The following CCNT1 variants were observed in gnomAD, a reference collection of about 807,000 sequenced individuals.
CCNT1 encodes cyclin-T1.
Under a neutral mutation model 67.3 loss-of-function variants are expected in CCNT1, and 18 were observed. The observed-to-expected ratio is 0.27, with a 90% CI of 0.18 to 0.40. The LOEUF (loss-of-function observed/expected upper bound fraction) is 0.40, where lower values mean the gene tolerates loss of function less well. Among genes scored for constraint, CCNT1 ranks in the 10% least tolerant of loss-of-function variants. The pLI is 1.00. For synonymous variants in CCNT1, 333 were observed against 310.3 expected, an observed-to-expected ratio of 1.07 and a Z score of -0.77; for missense variants, 744 against 884.9, an observed-to-expected ratio of 0.84 and a Z score of 2.02.
intron 2 of CCNT1, among the ~76,000 whole-genome samples, chr12:48,712,270 C>G (rs1172325968): frequency 1.3e-5 from 2 of 151,954 alleles, no homozygotes; most frequent in African/African-American, 4.8e-5. Context: ...ACGAAATAAG[C>G]ATCCTCAAAA....
At chr12:48,714,954 A>AG (rs1465680918) in intron 1 of CCNT1, among the ~76,000 whole-genome samples, 1 of 152,054 alleles carries the variant, frequency 6.6e-6, no homozygotes, top group African/African-American at 2.4e-5. Context: ...CTGAGATTAC[A>AG]GGCGCCCACC....
At chr12:48,705,535 A>G (rs533253867) in intron 3 of CCNT1, 126 of 450,950 alleles carry the variant, frequency 2.8e-4, no homozygotes, top group Non-Finnish European at 4.0e-4. Context: ...ACCCTCCCAA[A>G]GTGCTAGGAT....
At chr12:48,698,212 G>C (rs747783946) in intron 5 of CCNT1, 29 bp from the exon 6 acceptor site, 3 of 1,470,440 alleles carry the variant, frequency 2.0e-6, no homozygotes, top group African/African-American at 1.4e-5. Context: ...AGTCAGGGGT[G>C]GGGGAGGAAA....
intron 1 of CCNT1, among the ~76,000 whole-genome samples, chr12:48,715,830 A>G (rs1377985606): frequency 6.6e-6 from 1 of 152,212 alleles, no homozygotes; most frequent in Non-Finnish European, 1.5e-5. Context: ...GGTATTTTGT[A>G]AACTATTTAA....
chr12:48,700,312 C>T (rs1190871133), intron 4 of CCNT1, among the ~76,000 whole-genome samples: 2 of 137,480 alleles, frequency 1.5e-5, no homozygotes, highest in Non-Finnish European at 1.6e-5. Context: ...AAGCAAGACT[C>T]CGTCTCAAAA....
intron 2 of CCNT1, among the ~76,000 whole-genome samples, chr12:48,707,510 T>C (rs1008496243): frequency 6.6e-6 from 1 of 152,062 alleles, no homozygotes; most frequent in African/African-American, 2.4e-5. Flanking sequence ...CTCAAACTCC[T>C]GGGCTCAAGT....
At chr12:48,701,848 C>T (rs1400887806) in intron 3 of CCNT1, among the ~76,000 whole-genome samples, 1 of 152,064 alleles carries the variant, frequency 6.6e-6, no homozygotes, top group East Asian at 1.9e-4. Flanking sequence ...TCAGATGATC[C>T]GCCCACCTCG....
chr12:48,693,021 C>G lies in CCNT1; in HGVS notation c.*12G>C. The G allele has an allele frequency of 2.1e-6, 3 of 1,461,552 alleles. No individual in the cohort carries two copies. Among genetic ancestry groups the G allele is most frequent in the Non-Finnish European group, 2.8e-6 (3 of 1,088,798 alleles). The allele number at this position is 1,461,552 out of a possible 1,614,324, so 90.5% of individuals were successfully genotyped here. A position where few individuals can be genotyped will look rare whatever the true frequency, so the allele number is the denominator to read the frequency against. Reference sequence around the variant, plus strand: ...TTTAAAGAAGTTTTTTTCTCCTCTTCTTTTTCTTTTTTTACTTAGGAAGGG... The same window carrying G: ...TTTAAAGAAGTTTTTTTCTCCTCTTGTTTTTCTTTTTTTACTTAGGAAGGG... On this transcript the variant is annotated 3_prime_UTR_variant, in exon 9 of 9. Coordinates refer to ENST00000261900, the MANE Select transcript of CCNT1 (RefSeq NM_001240.4).
chr12:48,695,688 T>C, intron 8 of CCNT1, 71 bp downstream of exon 8: 1 of 999,376 alleles, frequency 1.0e-6, no homozygotes, highest in South Asian at 1.3e-5. Context: ...ACATATTCAA[T>C]ACTGGTATAT....
chr12:48,711,191 C>T (rs1483745679), intron 2 of CCNT1, among the ~76,000 whole-genome samples: 4 of 151,894 alleles, frequency 2.6e-5, no homozygotes, highest in East Asian at 1.9e-4. Context: ...CCAAGCCTGG[C>T]CAACATAGTG....
chr12:48,713,117 C>G (rs1030343112), intron 2 of CCNT1, among the ~76,000 whole-genome samples: 2 of 151,776 alleles, frequency 1.3e-5, no homozygotes, highest in African/African-American at 4.8e-5. Flanking sequence ...GAAAAGATCA[C>G]TATTTATAAT....
chr12:48,707,398 T>C (rs1940378797), intron 2 of CCNT1, among the ~76,000 whole-genome samples: 1 of 151,434 alleles, frequency 6.6e-6, no homozygotes, highest in Admixed American at 6.6e-5. Flanking sequence ...TATTCCCATC[T>C]CAGCCTTCGA....
intron 4 of CCNT1, among the ~76,000 whole-genome samples, chr12:48,700,317 TC>T (rs1940244513): frequency 1.4e-5 from 1 of 71,974 alleles, no homozygotes; most frequent in Admixed American, 1.3e-4. Context: ...AGACTCCGTC[TC>T]AAAAAAAAAA....
In CCNT1 at chr12:48,695,986, C is replaced by T; in HGVS notation, c.706+13G>A. On this transcript the variant is annotated intron_variant, in intron 7 of 8. Transcript: ENST00000261900. ...AGCAAGTGCTTTTCAAGGTCCCTTA[C>T]TCTAAAACTTACCATCTAAAAGTTC... is the stretch of plus-strand genomic sequence containing the variant. 1 of 1,613,872 alleles carries T rather than the reference C, an allele frequency of 6.2e-7. No individual in the cohort carries two copies. Among genetic ancestry groups the T allele is most frequent in the East Asian group, 2.2e-5 (1 of 44,884 alleles).
At chr12:48,697,531 A>AT (rs1940189965) in intron 6 of CCNT1, among the ~76,000 whole-genome samples, 10 of 120,048 alleles carry the variant, frequency 8.3e-5, no homozygotes, top group African/African-American at 3.1e-4. Context: ...TTAAAAAAAA[A>AT]AAAATATATA....
chr12:48,712,724 G>A (rs368116427), intron 2 of CCNT1, among the ~76,000 whole-genome samples: 3 of 149,792 alleles, frequency 2.0e-5, no homozygotes, highest in African/African-American at 7.3e-5. Context: ...CAGATCACCT[G>A]AGGTCAGGAG....
intron 6 of CCNT1, among the ~76,000 whole-genome samples, chr12:48,696,373 T>C (rs1231935361): frequency 1.3e-5 from 2 of 148,526 alleles, no homozygotes. Flanking sequence ...AACAACATTT[T>C]AAAAACTCTT....
At chr12:48,712,325 T>C (rs959340671) in intron 2 of CCNT1, among the ~76,000 whole-genome samples, 1 of 151,560 alleles carries the variant, frequency 6.6e-6, no homozygotes, top group Non-Finnish European at 1.5e-5. Context: ...TCTTGTTGCC[T>C]AGGCTGAAGT....
intron 1 of CCNT1, 59 bp downstream of exon 1, chr12:48,716,456 C>T (rs2137249191): frequency 7.4e-6 from 11 of 1,493,060 alleles, no homozygotes; most frequent in East Asian, 2.3e-5. Flanking sequence ...GCCTGAGACC[C>T]GGACGCCAGA....
Sources: gnomAD v4.1 joint callset for allele counts (sites outside exome capture counted in the v4.1 genomes callset) on GRCh38, gnomAD v4.1.1 for gene constraint, MANE v1.5 for transcripts, NCBI Gene and HGNC (gene_info 2026-07-23, HGNC 2026-07-21) for gene names.